Variants in DLC1 observed in about 807,000 individuals in gnomAD.
DLC1 encodes the protein DLC1 Rho GTPase activating protein.
A neutral mutation model predicts 140.3 loss-of-function variants in DLC1; 54 were observed. The observed-to-expected ratio is 0.38, with a 90% confidence interval of 0.31 to 0.48. DLC1 has a LOEUF of 0.48. Ranked by LOEUF, DLC1 falls within the 20% of genes least tolerant of loss-of-function variation. The pLI, the probability that DLC1 is intolerant of heterozygous loss-of-function variation, is 0.96. For missense variants in DLC1, 2,536 were observed against 1,907.0 expected (o/e 1.33, Z -6.14); for synonymous variants, 986 against 728.1 (o/e 1.35, Z -5.70).
At position 13,099,976 on chromosome 8, in the gene DLC1, A is replaced by C. The variant is rs1480814164; in HGVS notation, c.2361T>G (p.Phe787Leu). Residue 787 changes from phenylalanine to leucine, a missense_variant, in exon 9 of 18, where the codon TTT becomes TTG. Transcript: ENST00000276297. The stretch of plus-strand genomic sequence containing the variant: ...TAAAGTTCTGCTCCACCACGTTGTT[A>C]AATGTTGACTGATTGAAAGGATCGA... The part of the protein sequence containing the change: ...EGFDPFNQST[F>L]NNVVEQNFKN... 3.1e-6 allele frequency: 5 copies of C among 1,612,668 alleles called. No individual in the cohort carries two copies. Among genetic ancestry groups the C allele is most frequent in the Non-Finnish European group, 4.2e-6 (5 of 1,180,020 alleles).
chr8:13,530,509 A>C (rs151114262), intron 1 of DLC1, among the ~76,000 whole-genome samples: 102 of 152,258 alleles, frequency 6.7e-4, no homozygotes, highest in African/African-American at 1.9e-3. Context: ...GTGTGTGTGC[A>C]TCTGTATGTG....
chr8:13,544,394 G>A (rs996040101), intron 1 of DLC1, among the ~76,000 whole-genome samples: 4 of 152,070 alleles, frequency 2.6e-5, no homozygotes, highest in Admixed American at 2.0e-4. Context: ...TACATACATA[G>A]TGTAATTGTT....
chr8:13,548,422 A>T (rs562841395), intron 1 of DLC1, among the ~76,000 whole-genome samples: 1 of 152,238 alleles, frequency 6.6e-6, no homozygotes, highest in South Asian at 2.1e-4. Context: ...GAGGTGAAAC[A>T]GAGGTGGAAT....
At chr8:13,307,116 G>A (rs928291294) in intron 4 of DLC1, among the ~76,000 whole-genome samples, 1 of 150,312 alleles carries the variant, frequency 6.7e-6, no homozygotes. Flanking sequence ...AGGTAGAGAT[G>A]GGGGGAGTTA....
chr8:13,368,869 G>A (rs1242085324), intron 4 of DLC1, among the ~76,000 whole-genome samples: 1 of 152,150 alleles, frequency 6.6e-6, no homozygotes, highest in African/African-American at 2.4e-5. Flanking sequence ...TGTTGCCCAG[G>A]CTGGAGGGCA....
At chr8:13,472,326 C>A (rs1408000912) in intron 2 of DLC1, among the ~76,000 whole-genome samples, 2 of 152,010 alleles carry the variant, frequency 1.3e-5, no homozygotes, top group Non-Finnish European at 2.9e-5. Flanking sequence ...AGTGTTGGTT[C>A]ATTCATTTTC....
intron 5 of DLC1, among the ~76,000 whole-genome samples, chr8:13,243,276 G>C (rs1011755420): frequency 7.9e-6 from 1 of 126,484 alleles, no homozygotes; most frequent in East Asian, 2.3e-4. Flanking sequence ...GGTGACAAGA[G>C]TGAGACTCTG....
intron 15 of DLC1, among the ~76,000 whole-genome samples, chr8:13,089,013 C>T (rs1025540779): frequency 2.0e-5 from 3 of 152,106 alleles, no homozygotes; most frequent in Admixed American, 6.6e-5. Flanking sequence ...AATCCCAGCA[C>T]TTTGGGAAGC....
intron 2 of DLC1, among the ~76,000 whole-genome samples, chr8:13,412,916 A>C (rs1837847451): frequency 7.6e-6 from 1 of 130,784 alleles, no homozygotes; most frequent in Non-Finnish European, 1.6e-5. Context: ...TGGGCGACAG[A>C]GCGAGACTCC....
intron 1 of DLC1, among the ~76,000 whole-genome samples, chr8:13,571,437 A>G (rs970712566): frequency 5.9e-5 from 9 of 152,172 alleles, no homozygotes; most frequent in African/African-American, 2.2e-4. Flanking sequence ...CTTATTTGAG[A>G]TACTTCATAT....
intron 4 of DLC1, among the ~76,000 whole-genome samples, chr8:13,336,434 C>T (rs1833813399): frequency 1.3e-5 from 2 of 152,230 alleles, no homozygotes; most frequent in East Asian, 3.9e-4. Flanking sequence ...TTTAAACTCT[C>T]AAAACAAAGA....
chr8:13,421,015 C>T (rs1340561118), intron 2 of DLC1, among the ~76,000 whole-genome samples: 6 of 152,144 alleles, frequency 3.9e-5, no homozygotes, highest in South Asian at 4.2e-4. Flanking sequence ...TGGGTCTCTC[C>T]GGTATGGACT....
At chr8:13,349,494 G>C (rs903032952) in intron 4 of DLC1, among the ~76,000 whole-genome samples, 3 of 152,162 alleles carry the variant, frequency 2.0e-5, no homozygotes, top group African/African-American at 7.2e-5. Context: ...CTTTCACAGA[G>C]CATTTGAGAA....
chr8:13,188,851 T>A (rs1331211266), intron 5 of DLC1, among the ~76,000 whole-genome samples: 5 of 29,366 alleles, frequency 1.7e-4, no homozygotes, highest in South Asian at 1.3e-3. Flanking sequence ...ATATTTTTTT[T>A]TTTTTTTTTT....
intron 8 of DLC1, among the ~76,000 whole-genome samples, chr8:13,101,149 G>C (rs1423673103): frequency 6.6e-6 from 1 of 152,124 alleles, no homozygotes; most frequent in Non-Finnish European, 1.5e-5. Flanking sequence ...GGCCTCAAGC[G>C]ATCCTCCCAC....
At chr8:13,180,440 C>T (rs1825968566) in intron 5 of DLC1, among the ~76,000 whole-genome samples, 4 of 151,968 alleles carry the variant, frequency 2.6e-5, no homozygotes, top group Admixed American at 2.6e-4. Context: ...CCTGCTTAAG[C>T]CAGACACTGT....
intron 16 of DLC1, 30 bp downstream of exon 16, chr8:13,088,457 G>T: frequency 6.2e-7 from 1 of 1,610,552 alleles, no homozygotes; most frequent in Non-Finnish European, 8.5e-7. Context: ...AGTCATCCTT[G>T]TCACAAAAAA....
intron 1 of DLC1, among the ~76,000 whole-genome samples, chr8:13,550,176 A>T (rs1554542093): frequency 6.6e-6 from 1 of 152,072 alleles, no homozygotes; most frequent in Non-Finnish European, 1.5e-5. Context: ...AGGTGATTGG[A>T]TTATGGGGGG....
chr8:13,452,744 C>T (rs932049462), intron 2 of DLC1, among the ~76,000 whole-genome samples: 1 of 151,876 alleles, frequency 6.6e-6, no homozygotes. Flanking sequence ...GCTGATCTCA[C>T]TTGATGAAAT....
Sources: allele counts gnomAD v4.1 joint callset (sites outside exome capture counted in the v4.1 genomes callset), GRCh38; gene constraint gnomAD v4.1.1; transcripts MANE v1.5; gene names NCBI Gene and HGNC (gene_info 2026-07-23, HGNC 2026-07-21).